The following FAM227B variants were observed in gnomAD, a reference collection of about 807,000 sequenced individuals.
The protein encoded by FAM227B is protein FAM227B.
In FAM227B, 88 loss-of-function variants were observed where a neutral mutation model predicts 73.8. The ratio of observed to expected loss-of-function variants is 1.19; its 90% CI spans 1.00 to 1.42. The LOEUF (loss-of-function observed/expected upper bound fraction) is 1.42. Ranked by LOEUF, FAM227B falls within the 40% of genes most tolerant of loss-of-function variation. The probability of loss-of-function intolerance (pLI) is 0.00; values close to 1 mark genes in which losing one functional copy is unlikely to be tolerated. For missense variants in FAM227B, 632 were observed against 590.9 expected (o/e 1.07, Z -0.72); for synonymous variants, 210 against 190.5 (o/e 1.10, Z -0.84).
chr15:49,493,435 T>C (rs975840294), intron 11 of FAM227B, among the ~76,000 whole-genome samples: 1 of 151,972 alleles, frequency 6.6e-6, no homozygotes, highest in Non-Finnish European at 1.5e-5. Flanking sequence ...CCATACTTCC[T>C]TGTGTCTCTG....
At chr15:49,591,192 A>G (rs2076534870) in intron 3 of FAM227B, among the ~76,000 whole-genome samples, 1 of 150,796 alleles carries the variant, frequency 6.6e-6, no homozygotes, top group South Asian at 2.1e-4. Context: ...CTACAGGCAC[A>G]GCCTCCCGAG....
chr15:49,480,814 T>C (rs1002415806), intron 11 of FAM227B, among the ~76,000 whole-genome samples: 3 of 152,014 alleles, frequency 2.0e-5, no homozygotes, highest in African/African-American at 7.2e-5. Context: ...AAAGAAACAG[T>C]GGGCAATAGA....
chr15:49,525,648 A>C, intron 10 of FAM227B, among the ~76,000 whole-genome samples: 1 of 131,624 alleles, frequency 7.6e-6, no homozygotes. Context: ...TAGAGACTCA[A>C]AGTTAAAGGG....
chr15:49,432,368 T>A (rs2050693332), intron 11 of FAM227B, among the ~76,000 whole-genome samples: 1 of 151,670 alleles, frequency 6.6e-6, no homozygotes, highest in Non-Finnish European at 1.5e-5. Context: ...AAATATTAGG[T>A]TAAATAAAAT....
Position 49,328,671 on chromosome 15 carries a change from G to C in FAM227B, c.1424C>G (p.Ser475Cys), listed in dbSNP as rs150753064. ...DFEKFLHKLR[S>C]EAEIERECVA... Reference sequence around the variant, plus strand: ...ACATTCTCTCTCAATTTCAGCTTCGGAACGCTATGAAAATAATACATGATT... The same window carrying C: ...ACATTCTCTCTCAATTTCAGCTTCGCAACGCTATGAAAATAATACATGATT... The change falls in exon 16 of 16, where the codon TCC (serine) becomes TGC (cysteine). Residue 475 changes from serine (S) to cysteine (C), a missense_variant. Transcript: ENST00000299338. 1,541 of 1,556,410 alleles carry C rather than the reference G, an allele frequency of 9.9e-4. 13 individuals are homozygous for C. The African/African-American group carries it at 0.019, about 19-fold the overall frequency.
rs1358699506 is a variant in FAM227B, at chr15:49,396,681, C to G, written c.1013-25282G>C. Reference sequence around the variant, plus strand: ...GGGCAGACTGCCTCCTCAAGTGGGTCCCTGACCCCTGACCCCCGAGCAGCC... The same window carrying G: ...GGGCAGACTGCCTCCTCAAGTGGGTGCCTGACCCCTGACCCCCGAGCAGCC... On this transcript the variant is annotated intron_variant, in intron 11 of 15. Transcript: ENST00000299338. Among the ~76,000 whole-genome samples, 33 of 151,288 alleles carry G rather than the reference C, an allele frequency of 2.2e-4. 1 individual carries two copies. Among genetic ancestry groups the G allele is most frequent in the African/African-American group, 7.5e-4 (31 of 41,348 alleles).
At chr15:49,555,543 G>T (rs1404861641) in intron 9 of FAM227B, among the ~76,000 whole-genome samples, 1 of 152,158 alleles carries the variant, frequency 6.6e-6, no homozygotes. Flanking sequence ...TGGTCTTCTT[G>T]TATAGTATTT....
At chr15:49,424,551 T>G in intron 11 of FAM227B, 1 of 1,603,004 alleles carries the variant, frequency 6.2e-7, no homozygotes, top group Non-Finnish European at 8.5e-7. Context: ...AGAGGCAAAG[T>G]AAAAGGGACC....
chr15:49,416,473 A>G (rs1034596861), intron 11 of FAM227B, among the ~76,000 whole-genome samples: 1 of 152,042 alleles, frequency 6.6e-6, no homozygotes, highest in Non-Finnish European at 1.5e-5. Flanking sequence ...CTCTCTCACC[A>G]CTTCTATTCA....
chr15:49,479,079 G>A (rs1192199841), intron 11 of FAM227B, among the ~76,000 whole-genome samples: 1 of 152,238 alleles, frequency 6.6e-6, no homozygotes, highest in African/African-American at 2.4e-5. Context: ...TATTGAACCA[G>A]AGGATAAAAA....
At chr15:49,367,340 T>C (rs2151453700) in intron 13 of FAM227B, 108 bp downstream of exon 13, 1 of 1,010,114 alleles carries the variant, frequency 9.9e-7, no homozygotes. Flanking sequence ...AACAGAAGCA[T>C]TGATAAAACA....
intron 11 of FAM227B, among the ~76,000 whole-genome samples, chr15:49,490,042 C>T (rs1239678433): frequency 1.3e-5 from 2 of 149,720 alleles, no homozygotes; most frequent in African/African-American, 2.4e-5. Context: ...TCTAATGTGC[C>T]TCTGCAGTTG....
At chr15:49,379,858 G>A (rs1202314166) in intron 11 of FAM227B, among the ~76,000 whole-genome samples, 1 of 152,114 alleles carries the variant, frequency 6.6e-6, no homozygotes, top group African/African-American at 2.4e-5. Context: ...ACAGCACTGG[G>A]TCTTGCTCAA....
rs967477506 is a variant in FAM227B, at chr15:49,432,732, C to T, written c.1013-61333G>A. Among the ~76,000 whole-genome samples, 25 of 151,604 alleles carry T rather than the reference C, an allele frequency of 1.6e-4. 1 individual carries two copies. The highest frequency in any genetic ancestry group is 3.4e-3 in the Middle Eastern group (1 of 294). On this transcript the variant is annotated intron_variant, in intron 11 of 15. Transcript: ENST00000299338. ...AAAGTCAGAAGATTATATATGATTT[C>T]GGACTATTAGAGTAATATTTTGTGC...
chr15:49,486,211 T>A (rs1033071723), intron 11 of FAM227B: 16 of 152,202 alleles, frequency 1.1e-4, no homozygotes, highest in African/African-American at 3.8e-4. Flanking sequence ...GAGAGTTATA[T>A]GAAAAGGCTA....
intron 13 of FAM227B, among the ~76,000 whole-genome samples, chr15:49,350,798 T>C (rs1208794742): frequency 2.0e-5 from 3 of 152,138 alleles, no homozygotes; most frequent in Non-Finnish European, 2.9e-5. Context: ...AACAGTGCTC[T>C]CTAAGATATG....
At chr15:49,570,317 C>T (rs1352791748) in intron 8 of FAM227B, among the ~76,000 whole-genome samples, 2 of 151,828 alleles carry the variant, frequency 1.3e-5, no homozygotes, top group Non-Finnish European at 2.9e-5. Flanking sequence ...TGATAACAGT[C>T]ATGTGAGATA....
At chr15:49,525,665 A>AATATATATAT (rs57123974) in intron 10 of FAM227B, among the ~76,000 whole-genome samples, 5 of 81,490 alleles carry the variant, frequency 6.1e-5, no homozygotes, top group South Asian at 4.4e-4. Context: ...AGGGTGGAGA[A>AATATATATAT]ATATATATAT....
chr15:49,368,453 A>G (rs1011282282), intron 12 of FAM227B, among the ~76,000 whole-genome samples: 5 of 152,158 alleles, frequency 3.3e-5, no homozygotes, highest in African/African-American at 1.2e-4. Flanking sequence ...TTTTTATTCT[A>G]TAGGTTTTTG....
Sources: gnomAD v4.1 joint callset for allele counts (sites outside exome capture counted in the v4.1 genomes callset) on GRCh38, gnomAD v4.1.1 for gene constraint, MANE v1.5 for transcripts, NCBI Gene and HGNC (gene_info 2026-07-23, HGNC 2026-07-21) for gene names.